The following TNIK variants were observed in gnomAD, a reference collection of about 807,000 sequenced individuals.
TNIK encodes TRAF2 and NCK-interacting protein kinase.
TNIK carries 49 observed loss-of-function variants against 191.3 expected under a neutral mutation model. The ratio of observed to expected loss-of-function variants is 0.26; its 90% CI spans 0.20 to 0.32. TNIK has a LOEUF of 0.32. Ranked by LOEUF, TNIK falls within the 10% of genes least tolerant of loss-of-function variation. The pLI is 1.00. For missense variants in TNIK, 1,155 were observed against 1,702.3 expected, an observed-to-expected ratio of 0.68 and a Z score of 5.66; for synonymous variants, 594 against 600.9, an observed-to-expected ratio of 0.99 and a Z score of 0.17.
intron 2 of TNIK, among the ~76,000 whole-genome samples, chr3:171,369,176 A>G (rs1057188390): frequency 6.6e-6 from 1 of 152,192 alleles, no homozygotes; most frequent in African/African-American, 2.4e-5. Flanking sequence ...TTTGTGAGGT[A>G]ACCCAGTTTT....
chr3:171,133,414 C>T (rs1050730566), intron 15 of TNIK, among the ~76,000 whole-genome samples: 1 of 152,156 alleles, frequency 6.6e-6, no homozygotes, highest in African/African-American at 2.4e-5. Context: ...TCCTCATGAG[C>T]TACAACAGTC....
intron 15 of TNIK, 122 bp downstream of exon 15, chr3:171,138,069 T>C (rs1030487120): frequency 2.3e-6 from 2 of 860,638 alleles, no homozygotes; most frequent in East Asian, 6.4e-5. Flanking sequence ...AAGCAAAGCA[T>C]GTGTCTTATG....
chr3:171,093,786 AAAAACCACT>A (rs1422071248), intron 23 of TNIK, 44 bp downstream of exon 23: 3 of 1,601,230 alleles, frequency 1.9e-6, no homozygotes, highest in Non-Finnish European at 2.6e-6. Flanking sequence ...GCTTTAATGT[AAAAACCACT>A]GAAGAAATGG....
intron 20 of TNIK, 55 bp from the exon 21 acceptor site, chr3:171,107,261 A>C: frequency 6.4e-7 from 1 of 1,566,948 alleles, no homozygotes. Context: ...AAAAGCCAGC[A>C]GAAAGGCAGC....
At chr3:171,086,692 G>A (rs1721401722) in intron 24 of TNIK, among the ~76,000 whole-genome samples, 3 of 152,196 alleles carry the variant, frequency 2.0e-5, no homozygotes, top group South Asian at 2.1e-4. Context: ...TGATTGACAA[G>A]ACTGTTAATG....
chr3:171,126,227 G>GA (rs373912577), intron 16 of TNIK, 76 bp from the exon 17 acceptor site: 77,161 of 1,027,056 alleles, frequency 0.075, 1 homozygote, highest in Non-Finnish European at 0.083. Flanking sequence ...TGAGCTGAAG[G>GA]AAAAAAAAAA....
At chr3:171,119,952 A>T (rs1440100145) in intron 18 of TNIK, among the ~76,000 whole-genome samples, 1 of 152,228 alleles carries the variant, frequency 6.6e-6, no homozygotes, top group Non-Finnish European at 1.5e-5. Flanking sequence ...TATATAAAAA[A>T]AGTGTTCTCC....
chr3:171,239,929 G>A (rs887362474), intron 2 of TNIK, among the ~76,000 whole-genome samples: 3 of 152,062 alleles, frequency 2.0e-5, no homozygotes, highest in South Asian at 2.1e-4. Context: ...GGGGAGGGGC[G>A]GGGGTGAAAT....
intron 18 of TNIK, among the ~76,000 whole-genome samples, chr3:171,114,027 T>C (rs1387098384): frequency 1.3e-5 from 2 of 149,828 alleles, no homozygotes; most frequent in Non-Finnish European, 3.0e-5. Flanking sequence ...AGCAGCATTC[T>C]CAAGGCTTCT....
chr3:171,073,932 T>C (rs1719555649), intron 28 of TNIK, among the ~76,000 whole-genome samples: 1 of 151,876 alleles, frequency 6.6e-6, no homozygotes, highest in African/African-American at 2.4e-5. Flanking sequence ...TAGTTCAGTC[T>C]CCTTGGGAAA....
At chr3:171,277,305 TTC>T (rs1226599237) in intron 2 of TNIK, among the ~76,000 whole-genome samples, 7 of 152,200 alleles carry the variant, frequency 4.6e-5, no homozygotes, top group Admixed American at 1.3e-4. Context: ...AATTATGGCA[TTC>T]TGTTATAGCA....
At chr3:171,436,842 A>G (rs533998031) in intron 1 of TNIK, among the ~76,000 whole-genome samples, 202 of 152,306 alleles carry the variant, frequency 1.3e-3, no homozygotes, top group African/African-American at 4.5e-3. Context: ...ACATTGCAGC[A>G]CAAATCTGCA....
At chr3:171,443,473 C>T (rs1195715632) in intron 1 of TNIK, among the ~76,000 whole-genome samples, 2 of 152,140 alleles carry the variant, frequency 1.3e-5, no homozygotes, top group African/African-American at 2.4e-5. Flanking sequence ...AAACTTAGTT[C>T]CAGACGGAAG....
At chr3:171,187,392 A>C (rs1216512626) in intron 7 of TNIK, among the ~76,000 whole-genome samples, 1 of 152,190 alleles carries the variant, frequency 6.6e-6, no homozygotes, top group Admixed American at 6.5e-5. Context: ...TGAAGGAAGG[A>C]GGAAATTTAT....
In TNIK at chr3:171,126,062, C is replaced by T. The variant is rs1201769322; in HGVS notation, c.1863G>A (p.Gly621=). Residue 621 remains glycine (G), a synonymous_variant, in exon 17 of 33, where the codon GGG becomes GGA. Transcript: ENST00000436636. ...VHEQPTKGLS[G]FQEALNVTSH... is the part of the protein sequence containing the mutation. The stretch of plus-strand genomic sequence containing the variant: ...AGGTCACGTTCAGAGCCTCCTGAAA[C>T]CCAGAGAGGCCCTTTGTGGGCTGCT... The T allele has an allele frequency of 6.2e-7, 1 of 1,613,228 alleles. No homozygotes were observed. Among genetic ancestry groups the T allele is most frequent in the African/African-American group, 1.3e-5 (1 of 74,974 alleles).
At chr3:171,345,337 A>G (rs1041782561) in intron 2 of TNIK, among the ~76,000 whole-genome samples, 5 of 152,088 alleles carry the variant, frequency 3.3e-5, no homozygotes, top group Non-Finnish European at 4.4e-5. Context: ...TTCCTTTGTT[A>G]TATTACATCT....
intron 1 of TNIK, among the ~76,000 whole-genome samples, chr3:171,381,225 C>T (rs903156738): frequency 2.0e-5 from 3 of 152,152 alleles, no homozygotes; most frequent in Non-Finnish European, 4.4e-5. Flanking sequence ...GAAGCTAAAG[C>T]CAGTCCTTTT....
chr3:171,397,086 G>A (rs976855791), intron 1 of TNIK, among the ~76,000 whole-genome samples: 3 of 152,202 alleles, frequency 2.0e-5, no homozygotes, highest in African/African-American at 7.2e-5. Context: ...AAGAGATTAA[G>A]GAGCAGAAGC....
At chr3:171,071,780 C>A (rs1458961900) in intron 28 of TNIK, among the ~76,000 whole-genome samples, 1 of 152,080 alleles carries the variant, frequency 6.6e-6, no homozygotes, top group Non-Finnish European at 1.5e-5. Flanking sequence ...ATTTGAATTC[C>A]AATTACCAAG....
Sources: gnomAD v4.1 joint callset for allele counts (sites outside exome capture counted in the v4.1 genomes callset) on GRCh38, gnomAD v4.1.1 for gene constraint, MANE v1.5 for transcripts, NCBI Gene and HGNC (gene_info 2026-07-23, HGNC 2026-07-21) for gene names.